Variants in PTPRD observed in about 807,000 individuals in gnomAD.
PTPRD encodes protein tyrosine phosphatase receptor type D.
A neutral mutation model predicts 214.5 loss-of-function variants in PTPRD; 34 were observed. The ratio of observed to expected loss-of-function variants is 0.16; its 90% CI spans 0.12 to 0.21. The LOEUF is 0.21. PTPRD is among the 10% of genes least tolerant of loss of function. The pLI, the probability that PTPRD is intolerant of heterozygous loss-of-function variation, is 1.00. For synonymous variants in PTPRD, 1,128 were observed against 845.7 expected, an observed-to-expected ratio of 1.33 and a Z score of -5.79; for missense variants, 2,545 against 2,398.7, an observed-to-expected ratio of 1.06 and a Z score of -1.27.
chr9:10,072,313 A>G (rs991904260), intron 3 of PTPRD, among the ~76,000 whole-genome samples: 1 of 152,078 alleles, frequency 6.6e-6, no homozygotes, highest in Non-Finnish European at 1.5e-5. Context: ...AAATAAAATA[A>G]AAAACTGATC....
At chr9:9,311,167 C>T (rs1569567266) in intron 9 of PTPRD, among the ~76,000 whole-genome samples, 1 of 151,980 alleles carries the variant, frequency 6.6e-6, no homozygotes, top group Admixed American at 6.6e-5. Context: ...ATGAAATTAT[C>T]TCAGAACAAC....
At chr9:9,143,092 C>T (rs1336154413) in intron 10 of PTPRD, among the ~76,000 whole-genome samples, 1 of 152,162 alleles carries the variant, frequency 6.6e-6, no homozygotes, top group Non-Finnish European at 1.5e-5. Context: ...CATTTCACTA[C>T]CACTTGGTCT....
intron 3 of PTPRD, among the ~76,000 whole-genome samples, chr9:10,093,770 A>C (rs2154200809): frequency 6.6e-6 from 1 of 151,628 alleles, no homozygotes; most frequent in African/African-American, 2.4e-5. Context: ...AAAGAACAAA[A>C]TCGTGTCCTT....
intron 24 of PTPRD, among the ~76,000 whole-genome samples, chr9:8,500,418 T>C (rs534648999): frequency 6.6e-6 from 1 of 151,536 alleles, no homozygotes; most frequent in South Asian, 2.1e-4. Flanking sequence ...CTTCAAAATG[T>C]AAAAGAAGTG....
intron 39 of PTPRD, among the ~76,000 whole-genome samples, chr9:8,372,930 A>C (rs1014347206): frequency 6.6e-6 from 1 of 152,032 alleles, no homozygotes; most frequent in African/African-American, 2.4e-5. Context: ...TATATTGGGC[A>C]GAAGGCTTGG....
intron 8 of PTPRD, among the ~76,000 whole-genome samples, chr9:9,482,903 T>C (rs2095478593): frequency 6.6e-6 from 1 of 152,256 alleles, no homozygotes; most frequent in Middle Eastern, 3.4e-3. Context: ...TTAACTCAAA[T>C]GCTTCTAACA....
chr9:8,709,563 A>G (rs1177353699), intron 12 of PTPRD, among the ~76,000 whole-genome samples: 3 of 151,740 alleles, frequency 2.0e-5, no homozygotes, highest in Non-Finnish European at 4.4e-5. Flanking sequence ...AAATGCTAAC[A>G]GAATGGATGT....
chr9:10,090,023 A>T (rs56969893), intron 3 of PTPRD, among the ~76,000 whole-genome samples: 1 of 151,644 alleles, frequency 6.6e-6, no homozygotes, highest in Non-Finnish European at 1.5e-5. Context: ...AGTGAAGGAC[A>T]CTATCTACAA....
intron 11 of PTPRD, among the ~76,000 whole-genome samples, chr9:8,781,752 C>T (rs1356699994): frequency 6.6e-6 from 1 of 152,102 alleles, no homozygotes; most frequent in Non-Finnish European, 1.5e-5. Flanking sequence ...GCAAATGATG[C>T]AAACTATACT....
intron 11 of PTPRD, among the ~76,000 whole-genome samples, chr9:8,870,699 C>CAT (rs2098281016): frequency 6.7e-6 from 1 of 149,174 alleles, no homozygotes; most frequent in Non-Finnish European, 1.5e-5. Context: ...CACACACACA[C>CAT]ACACACACAC....
intron 2 of PTPRD, among the ~76,000 whole-genome samples, chr9:10,386,306 T>G (rs1164423981): frequency 6.6e-6 from 1 of 151,904 alleles, no homozygotes; most frequent in Admixed American, 6.6e-5. Context: ...CCTTTCCACA[T>G]TGCTATACAA....
intron 11 of PTPRD, among the ~76,000 whole-genome samples, chr9:9,002,148 T>C (rs2099424843): frequency 1.3e-5 from 2 of 152,026 alleles, no homozygotes; most frequent in Admixed American, 1.3e-4. Context: ...TAATACCTTA[T>C]ACCATATATT....
At chr9:9,964,520 T>C (rs372438915) in intron 4 of PTPRD, among the ~76,000 whole-genome samples, 1 of 152,178 alleles carries the variant, frequency 6.6e-6, no homozygotes, top group Non-Finnish European at 1.5e-5. Flanking sequence ...CAGAAAATTT[T>C]ACCTTAATTA....
chr9:8,790,644 T>C (rs930378697), intron 11 of PTPRD, among the ~76,000 whole-genome samples: 2 of 152,182 alleles, frequency 1.3e-5, no homozygotes, highest in Admixed American at 6.5e-5. Context: ...TAAGCATGTA[T>C]GAATATCTAA....
At chr9:10,342,024 T>C (rs547605189) in intron 2 of PTPRD, among the ~76,000 whole-genome samples, 1 of 152,160 alleles carries the variant, frequency 6.6e-6, no homozygotes, top group Non-Finnish European at 1.5e-5. Context: ...TATGCTAGGA[T>C]CAATAAATTG....
At chr9:8,393,512 A>G (rs1330998619) in intron 36 of PTPRD, among the ~76,000 whole-genome samples, 11 of 152,138 alleles carry the variant, frequency 7.2e-5, no homozygotes, top group Non-Finnish European at 8.8e-5. Flanking sequence ...TCTGCTCCTC[A>G]TAAGCAAAAT....
chr9:9,905,663 A>G (rs1028965375), intron 5 of PTPRD, among the ~76,000 whole-genome samples: 2 of 152,000 alleles, frequency 1.3e-5, no homozygotes, highest in African/African-American at 2.4e-5. Context: ...CCAAGATATC[A>G]TGTAATTAAA....
intron 43 of PTPRD, among the ~76,000 whole-genome samples, 198 bp downstream of exon 43, chr9:8,338,724 G>C (rs1356717869): frequency 6.6e-6 from 1 of 151,936 alleles, no homozygotes; most frequent in Non-Finnish European, 1.5e-5. Flanking sequence ...GCCAAACTAA[G>C]GTTTGTGAGA....
chr9:8,631,877 T>G (rs1304700385), intron 14 of PTPRD, among the ~76,000 whole-genome samples: 1 of 151,894 alleles, frequency 6.6e-6, no homozygotes, highest in East Asian at 1.9e-4. Flanking sequence ...TTTGTCAACA[T>G]TTCTATGTGT....
Sources: allele counts gnomAD v4.1 joint callset (sites outside exome capture counted in the v4.1 genomes callset), GRCh38; gene constraint gnomAD v4.1.1; transcripts MANE v1.5; gene names NCBI Gene and HGNC (gene_info 2026-07-23, HGNC 2026-07-21).